The following RPL35A variants were observed in gnomAD, a reference collection of about 807,000 sequenced individuals.
RPL35A encodes ribosomal protein L35a.
A neutral mutation model predicts 16.7 loss-of-function variants in RPL35A; 1 was observed. That is an observed-to-expected ratio of 0.06 (90% CI 0.02 to 0.28). The LOEUF is 0.28. Ranked by LOEUF, RPL35A falls within the 10% of genes least tolerant of loss-of-function variation. The pLI is 1.00. For synonymous variants in RPL35A, 58 were observed against 47.0 expected (o/e 1.23, Z -0.96); for missense variants, 91 against 138.7 (o/e 0.66, Z 1.73).
chr3:197,954,453 CCCCCCAAG>C (rs1720374061), intron 4 of RPL35A: 1 of 421,282 alleles, frequency 2.4e-6, no homozygotes, highest in African/African-American at 2.0e-5. Context: ...TCCACCTCAG[CCCCCCAAG>C]TAGCTGGGAC....
Position 197,950,223 on chromosome 3 carries a change from T to C in RPL35A, c.-33+2T>C, listed in dbSNP as rs908998236. The C allele has an allele frequency of 1.1e-5, 13 of 1,230,930 alleles. No homozygotes were observed. The Admixed American group carries it at 1.3e-4, about 12-fold the overall frequency. The allele number at this position is 1,230,930 out of a possible 1,614,324, so 76.3% of individuals were successfully genotyped here. A position where few individuals can be genotyped will look rare whatever the true frequency, so the allele number is the denominator to read the frequency against. ...ACCGCCATCTTGGCTCCTGTGGAGG[T>C]GAGTGAAGGGTCTGCTGCTGAAATT... is the stretch of plus-strand genomic sequence containing the variant. On this transcript the variant is annotated splice_donor_variant, in intron 1 of 4. Transcript: ENST00000647248. LOFTEE classifies it low-confidence loss of function (5UTR_SPLICE).
intron 3 of RPL35A, chr3:197,953,369 G>A (rs185458309): frequency 1.6e-5 from 7 of 450,428 alleles, no homozygotes; most frequent in Non-Finnish European, 2.2e-5. Context: ...AGACAACCCC[G>A]TGGTCTTTAA....
In RPL35A at chr3:197,955,860, C is replaced by G; in HGVS notation, c.*87C>G. The G allele has an allele frequency of 9.0e-7, 1 of 1,114,188 alleles. No homozygotes were observed. The allele number at this position is 1,114,188 out of a possible 1,614,324, so 69.0% of individuals were successfully genotyped here. A position where few individuals can be genotyped will look rare whatever the true frequency, so the allele number is the denominator to read the frequency against. Reference sequence around the variant, plus strand: ...AAACTTACTACCTTAAATTGATTTGCTACATGCTTAAAATGATAGAGGTTG... The same window carrying G: ...AAACTTACTACCTTAAATTGATTTGGTACATGCTTAAAATGATAGAGGTTG... On this transcript the variant is annotated 3_prime_UTR_variant, in exon 5 of 5. Transcript: ENST00000647248.
chr3:197,950,860 G>A (rs1275585026), intron 1 of RPL35A, 76 bp from the exon 2 acceptor site: 1 of 1,383,652 alleles, frequency 7.2e-7, no homozygotes, highest in Non-Finnish European at 1.0e-6. Flanking sequence ...ATTTGCTTTA[G>A]GGGCTTAAAC....
Position 197,953,991 on chromosome 3 carries a change from T to C in RPL35A, c.165-12T>C, listed in dbSNP as rs766789686. On this transcript the variant is annotated splice_polypyrimidine_tract_variant and intron_variant, in intron 3 of 4. Coordinates refer to ENST00000647248, the MANE Select transcript of RPL35A (RefSeq NM_000996.4). Reference sequence around the variant, plus strand: ...CAGCTTGTATTCCTCTTCTTTCCCTTTTTAAAATCAGCAACACAGTCACTC... The same window carrying C: ...CAGCTTGTATTCCTCTTCTTTCCCTCTTTAAAATCAGCAACACAGTCACTC... 1.9e-6 allele frequency: 3 copies of C among 1,612,172 alleles called. No homozygotes were observed. In the African/African-American group the frequency reaches 4.0e-5, roughly 22 times the overall value.
chr3:197,953,723 A>G lies in RPL35A; in HGVS notation c.165-280A>G, dbSNP rs1720307387. ...CTTGTCCTTTTTTGCTATTTTTTCAATATTGCCTCTGTTATCATCTGACCT... is the reference window on the plus strand; with the variant it reads ...CTTGTCCTTTTTTGCTATTTTTTCAGTATTGCCTCTGTTATCATCTGACCT... On this transcript the variant is annotated intron_variant, in intron 3 of 4. Coordinates refer to ENST00000647248, the MANE Select transcript of RPL35A (RefSeq NM_000996.4). 7 of 506,258 alleles carry G rather than the reference A, an allele frequency of 1.4e-5. No individual in the cohort carries two copies. The East Asian group carries it at 1.5e-4, about 11-fold the overall frequency. The allele number at this position is 506,258 out of a possible 1,614,324, so 31.4% of individuals were successfully genotyped here.
intron 3 of RPL35A, among the ~76,000 whole-genome samples, chr3:197,952,794 A>T (rs951769420): frequency 1.3e-5 from 2 of 151,964 alleles, no homozygotes; most frequent in African/African-American, 2.4e-5. Context: ...CACCAGGCCA[A>T]AATTAGTTTT....
chr3:197,951,180 T>C lies in RPL35A; in HGVS notation c.33T>C (p.Phe11=), dbSNP rs751752645. 2 of 1,614,240 alleles carry C rather than the reference T, an allele frequency of 1.2e-6. No individual in the cohort carries two copies. Among genetic ancestry groups the C allele is most frequent in the Non-Finnish European group, 8.5e-7 (1 of 1,180,042 alleles). The change falls in exon 3 of 5, where the codon TTT becomes TTC. Residue 11 remains phenylalanine, a synonymous_variant. Transcript: ENST00000647248. Reference sequence around the variant, plus strand: ...TTAGGCTGTGGTCCAAGGCCATTTTTGCTGGCTATAAGCGGGGTCTCCGGA... The same window carrying C: ...TTAGGCTGTGGTCCAAGGCCATTTTCGCTGGCTATAAGCGGGGTCTCCGGA... MSGRLWSKAI[F]AGYKRGLRNQ... is the part of the protein sequence containing the mutation.
chr3:197,955,886 C>G lies in RPL35A; in HGVS notation c.*113C>G. Reference sequence around the variant, plus strand: ...TACATGCTTAAAATGATAGAGGTTGCTCAGCATTTTTGGAGTACAAGGGGG... The same window carrying G: ...TACATGCTTAAAATGATAGAGGTTGGTCAGCATTTTTGGAGTACAAGGGGG... On this transcript the variant is annotated 3_prime_UTR_variant, in exon 5 of 5. Coordinates refer to ENST00000647248, the MANE Select transcript of RPL35A (RefSeq NM_000996.4). 3 of 951,948 alleles carry G rather than the reference C, an allele frequency of 3.2e-6. No individual in the cohort carries two copies. The highest frequency in any genetic ancestry group is 5.1e-6 in the Non-Finnish European group (3 of 590,588). The allele number at this position is 951,948 out of a possible 1,614,324, so 59.0% of individuals were successfully genotyped here. A position where few individuals can be genotyped will look rare whatever the true frequency, so the allele number is the denominator to read the frequency against.
In RPL35A at chr3:197,950,360, G is replaced by C. The variant is rs576466015; in HGVS notation, c.-33+139G>C. On this transcript the variant is annotated intron_variant, in intron 1 of 4. Transcript: ENST00000647248. ...ACGGGTTTCAAGAAGAGGGAGAACA[G>C]GATGGAGGAGATGTTGGGCTGATGG... 6.4e-4 allele frequency: 781 copies of C among 1,219,772 alleles called. 2 individuals are homozygous for C. In the African/African-American group the frequency reaches 0.011, roughly 17 times the overall value. 75.6% of individuals were successfully genotyped at this position (1,219,772 alleles called of 1,614,324 possible).
At chr3:197,950,798 G>A in intron 1 of RPL35A, 138 bp from the exon 2 acceptor site, 1 of 715,024 alleles carries the variant, frequency 1.4e-6, no homozygotes, top group East Asian at 2.7e-5. Context: ...TCATATGGAT[G>A]TTCTGGCATT....
Position 197,950,774 on chromosome 3 carries a change from CCGGACCCTG to C in RPL35A, c.-32-159_-32-151del, listed in dbSNP as rs1328209785. 27 of 643,764 alleles carry C rather than the reference CCGGACCCTG, an allele frequency of 4.2e-5. No individual in the cohort carries two copies. The East Asian group carries it at 6.8e-4, about 16-fold the overall frequency. 39.9% of individuals were successfully genotyped at this position (643,764 alleles called of 1,614,324 possible). On this transcript the variant is annotated intron_variant, in intron 1 of 4. Coordinates refer to ENST00000647248, the MANE Select transcript of RPL35A (RefSeq NM_000996.4). ...TGTTCTCTGAGGTTTGAATGTCTTG[CCGGACCCTG>C]CGTTTCATATGGATGTTCTGGCATT...
At chr3:197,955,261 GTTTTTC>G (rs1417096016) in intron 4 of RPL35A, among the ~76,000 whole-genome samples, 2 of 151,060 alleles carry the variant, frequency 1.3e-5, no homozygotes, top group Admixed American at 6.6e-5. Flanking sequence ...TTCAGTACAT[GTTTTTC>G]TTTTTCTTTT....
At position 197,955,840 on chromosome 3, in the gene RPL35A, T is replaced by G; in HGVS notation, c.*67T>G. On this transcript the variant is annotated 3_prime_UTR_variant, in exon 5 of 5. Transcript: ENST00000647248. ...GTATTTTTAAGTGGATTAAAAAACT[T>G]ACTACCTTAAATTGATTTGCTACAT... 1 of 1,298,206 alleles carries G rather than the reference T, an allele frequency of 7.7e-7. No individual in the cohort carries two copies. Among genetic ancestry groups the G allele is most frequent in the Non-Finnish European group, 1.1e-6 (1 of 895,352 alleles). 80.4% of individuals were successfully genotyped at this position (1,298,206 alleles called of 1,614,324 possible).
chr3:197,952,084 T>C (rs1301248003), intron 3 of RPL35A, among the ~76,000 whole-genome samples: 3 of 151,932 alleles, frequency 2.0e-5, no homozygotes, highest in Non-Finnish European at 4.4e-5. Context: ...ATTTTTTTTC[T>C]CGGCTCCTTT....
chr3:197,954,409 T>C (rs1211583218), intron 4 of RPL35A: 8 of 503,646 alleles, frequency 1.6e-5, no homozygotes, highest in Non-Finnish European at 2.2e-5. Context: ...TCACAGCTTA[T>C]TGCAGCCTCG....
intron 3 of RPL35A, 93 bp downstream of exon 3, chr3:197,951,404 A>C (rs563770003): frequency 1.4e-6 from 2 of 1,381,844 alleles, no homozygotes; most frequent in East Asian, 4.6e-5. Flanking sequence ...CCGAGGCTGG[A>C]ATGCAGTGAC....
chr3:197,954,290 GAGAGATAGTAATTGAA>G (rs1204256253), intron 4 of RPL35A, 143 bp downstream of exon 4: 2 of 806,514 alleles, frequency 2.5e-6, no homozygotes, highest in African/African-American at 3.4e-5. Flanking sequence ...CAGAACACTG[GAGAGATAGTAATTGAA>G]AGAATTAGGT....
chr3:197,952,846 T>A (rs1720226266), intron 3 of RPL35A, among the ~76,000 whole-genome samples: 1 of 152,056 alleles, frequency 6.6e-6, no homozygotes, highest in Admixed American at 6.6e-5. Context: ...CTTTTTTTTT[T>A]TTTTGAGACA....
Sources: allele counts gnomAD v4.1 joint callset (sites outside exome capture counted in the v4.1 genomes callset), GRCh38; gene constraint gnomAD v4.1.1; transcripts MANE v1.5; gene names NCBI Gene and HGNC (gene_info 2026-07-23, HGNC 2026-07-21).